SMAD7: variants seen among roughly 807,000 people sequenced by gnomAD.
SMAD7 encodes the protein SMAD family member 7.
Under a neutral mutation model 38.7 loss-of-function variants are expected in SMAD7, and 8 were observed. That is an observed-to-expected ratio of 0.21 (90% CI 0.12 to 0.37). The LOEUF is 0.37. Among genes scored for constraint, SMAD7 ranks in the 10% least tolerant of loss-of-function variants. The pLI is 1.00. For missense variants in SMAD7, 477 were observed against 577.9 expected (o/e 0.83, Z 1.79); for synonymous variants, 327 against 265.1 (o/e 1.23, Z -2.27).
intron 3 of SMAD7, among the ~76,000 whole-genome samples, chr18:48,923,589 A>T (rs77544449): frequency 0.029 from 4,414 of 152,278 alleles, 176 homozygotes; most frequent in East Asian, 0.15. Flanking sequence ...ACACACACCC[A>T]GAGCAGCGGT....
chr18:48,942,127 A>C (rs1338163298), intron 3 of SMAD7, among the ~76,000 whole-genome samples: 1 of 152,170 alleles, frequency 6.6e-6, no homozygotes, highest in Non-Finnish European at 1.5e-5. Context: ...GAGCAAAAGC[A>C]AAAAAAGAGC....
intron 2 of SMAD7, among the ~76,000 whole-genome samples, chr18:48,946,221 C>T (rs561099366): frequency 1.3e-5 from 2 of 152,272 alleles, no homozygotes; most frequent in South Asian, 2.1e-4. Flanking sequence ...AAACTTTGTG[C>T]CTGTTTCATC....
At chr18:48,937,266 G>A (rs902457208) in intron 3 of SMAD7, among the ~76,000 whole-genome samples, 1 of 132,390 alleles carries the variant, frequency 7.6e-6, no homozygotes, top group South Asian at 2.4e-4. Context: ...GTAAAGGCAT[G>A]TGTGTGTGTG....
intron 2 of SMAD7, 149 bp from the exon 3 acceptor site, chr18:48,942,704 G>A: frequency 1.3e-6 from 2 of 1,526,974 alleles, no homozygotes; most frequent in Non-Finnish European, 1.7e-6. Flanking sequence ...TTAATGGTCT[G>A]CTCAGGCTTC....
rs376292728 is a variant in SMAD7 at position 48,942,509 on chromosome 18, C to A, written c.714G>T (p.Thr238=). ...AVPSSAETGG[T]NYLAPGGLSD... ...AAAGCCCCCCAGGGGCCAGATAATT[C>A]GTTCCCCCTGTTTCAGCGGAGGAAG... The change falls in exon 3 of 4, where the codon ACG becomes ACT. Residue 238 remains threonine (T), a synonymous_variant. Coordinates refer to ENST00000262158, the MANE Select transcript of SMAD7 (RefSeq NM_005904.4). The A allele has an allele frequency of 1.9e-6, 3 of 1,602,020 alleles. No individual in the cohort carries two copies. The highest frequency in any genetic ancestry group is 1.7e-6 in the Non-Finnish European group (2 of 1,175,718).
At chr18:48,924,257 A>G (rs183101408) in intron 3 of SMAD7, among the ~76,000 whole-genome samples, 36 of 152,268 alleles carry the variant, frequency 2.4e-4, no homozygotes, top group African/African-American at 8.2e-4. Flanking sequence ...GAGCCTCACA[A>G]TGCTTTGTTT....
intron 1 of SMAD7, chr18:48,949,166 A>T: frequency 2.3e-6 from 1 of 437,872 alleles, no homozygotes; most frequent in Non-Finnish European, 3.0e-6. Context: ...GGGACACCCA[A>T]CTTCTCCTGC....
chr18:48,920,870 T>C lies in SMAD7; in HGVS notation c.*502A>G, dbSNP rs1217433037. 1 of 153,654 alleles carries C rather than the reference T, an allele frequency of 6.5e-6. No homozygotes were observed. Among genetic ancestry groups the C allele is most frequent in the Admixed American group, 6.5e-5 (1 of 15,444 alleles). The allele number at this position is 153,654 out of a possible 1,614,324, so 9.5% of individuals were successfully genotyped here. On this transcript the variant is annotated 3_prime_UTR_variant, in exon 4 of 4. Transcript: ENST00000262158. ...GCCGCCAGCTTGCCCAGGTACTGCC[T>C]CTGCCCCACTGAGCGTGTCCAAGGG...
At chr18:48,925,437 C>CCA (rs963961272) in intron 3 of SMAD7, among the ~76,000 whole-genome samples, 1 of 151,906 alleles carries the variant, frequency 6.6e-6, no homozygotes, top group Admixed American at 6.6e-5. Flanking sequence ...GTGTTGCCCC[C>CCA]CCCCAACCTT....
In SMAD7 at chr18:48,921,783, T is replaced by G; in HGVS notation, c.870A>C (p.Leu290=). The part of the protein sequence containing the change: ...QEPSLDIFYD[L]PQGNGFCLGQ... Reference sequence around the variant, plus strand: ...CGAGGCAAAAGCCATTCCCCTGAGGTAGATCATAGAAGATATCCAGAGAGG... The same window carrying G: ...CGAGGCAAAAGCCATTCCCCTGAGGGAGATCATAGAAGATATCCAGAGAGG... Residue 290 remains leucine (L), a synonymous_variant, in exon 4 of 4, where the codon CTA becomes CTC. Transcript: ENST00000262158. This position sits in a 1 kb window ranked among gnomAD's most constrained non-coding sequence, Gnocchi z 6.4. 6.2e-7 allele frequency: 1 copy of G among 1,614,144 alleles called. No individual in the cohort carries two copies. Among genetic ancestry groups the G allele is most frequent in the Non-Finnish European group, 8.5e-7 (1 of 1,180,024 alleles).
At chr18:48,926,384 CCAATTG>C (rs1490221331) in intron 3 of SMAD7, among the ~76,000 whole-genome samples, 3 of 152,172 alleles carry the variant, frequency 2.0e-5, no homozygotes, top group Non-Finnish European at 4.4e-5. Context: ...TTAAATGTGC[CCAATTG>C]CTAGGGTACC....
At chr18:48,933,349 C>T (rs375035039) in intron 3 of SMAD7, among the ~76,000 whole-genome samples, 1 of 152,124 alleles carries the variant, frequency 6.6e-6, no homozygotes, top group Non-Finnish European at 1.5e-5. Context: ...CTAGTCAATC[C>T]CCCCTCCCGC....
In SMAD7 at chr18:48,949,267, C is replaced by T. The variant is rs568895974; in HGVS notation, c.613+545G>A. The T allele has an allele frequency of 1.6e-4, 162 of 985,172 alleles. 1 individual carries two copies. The African/African-American group carries it at 2.7e-3, about 16-fold the overall frequency. 61.0% of individuals were successfully genotyped at this position (985,172 alleles called of 1,614,324 possible). A position where few individuals can be genotyped will look rare whatever the true frequency, so the allele number is the denominator to read the frequency against. On this transcript the variant is annotated intron_variant, in intron 1 of 3. Transcript: ENST00000262158. ...CCATCCAACTCTCTTTGCCCCAAAACTCCAAAGGTGCGCGGCCACGACAGT... is the reference window on the plus strand; with the variant it reads ...CCATCCAACTCTCTTTGCCCCAAAATTCCAAAGGTGCGCGGCCACGACAGT...
intron 3 of SMAD7, among the ~76,000 whole-genome samples, chr18:48,935,749 A>G (rs898860878): frequency 1.3e-5 from 2 of 152,202 alleles, no homozygotes; most frequent in Non-Finnish European, 2.9e-5. Context: ...AGGAAGGTCG[A>G]AGGATCAGCA....
intron 2 of SMAD7, among the ~76,000 whole-genome samples, chr18:48,945,055 C>T (rs1051697466): frequency 6.6e-6 from 1 of 152,146 alleles, no homozygotes; most frequent in East Asian, 1.9e-4. Flanking sequence ...TCTGAGCTTC[C>T]TAAGTACTGT....
At chr18:48,947,101 T>A (rs751282235) in intron 2 of SMAD7, among the ~76,000 whole-genome samples, 4 of 152,214 alleles carry the variant, frequency 2.6e-5, no homozygotes, top group Non-Finnish European at 4.4e-5. Flanking sequence ...GCTTGGTAAT[T>A]CCAGTTAACG....
At position 48,942,501 on chromosome 18, in the gene SMAD7, A is replaced by G; in HGVS notation, c.722T>C (p.Leu241Pro). Residue 241 changes from leucine to proline, a missense_variant, in exon 3 of 4, where the codon CTG becomes CCG. By Grantham distance (98) the Leu-to-Pro change is moderately conservative. Transcript: ENST00000262158. ...CTTACCTGAAAGCCCCCCAGGGGCCAGATAATTCGTTCCCCCTGTTTCAGC... is the reference window on the plus strand; with the variant it reads ...CTTACCTGAAAGCCCCCCAGGGGCCGGATAATTCGTTCCCCCTGTTTCAGC... ...SSAETGGTNY[L>P]APGGLSDSQL... 6.3e-7 allele frequency: 1 copy of G among 1,599,138 alleles called. No individual in the cohort carries two copies. The highest frequency in any genetic ancestry group is 8.5e-7 in the Non-Finnish European group (1 of 1,175,010).
rs1453069299 is a variant in SMAD7 at position 48,920,143 on chromosome 18, G to C, written c.*1229C>G. Reference sequence around the variant, plus strand: ...ACATTTTTTTCTTTAATAAATCTCAGGTTTTTTTTCAGGAGTCCTTTCTCT... The same window carrying C: ...ACATTTTTTTCTTTAATAAATCTCACGTTTTTTTTCAGGAGTCCTTTCTCT... On this transcript the variant is annotated 3_prime_UTR_variant, in exon 4 of 4. Coordinates refer to ENST00000262158, the MANE Select transcript of SMAD7 (RefSeq NM_005904.4). 1 of 151,812 alleles carries C rather than the reference G, an allele frequency of 6.6e-6. No homozygotes were observed. The highest frequency in any genetic ancestry group is 1.5e-5 in the Non-Finnish European group (1 of 67,900). The allele number at this position is 151,812 out of a possible 1,614,324, so 9.4% of individuals were successfully genotyped here. A position where few individuals can be genotyped will look rare whatever the true frequency, so the allele number is the denominator to read the frequency against.
At chr18:48,946,430 C>CGGT (rs1555718200) in intron 2 of SMAD7, among the ~76,000 whole-genome samples, 1 of 145,904 alleles carries the variant, frequency 6.9e-6, no homozygotes, top group Non-Finnish European at 1.5e-5. Flanking sequence ...GTGAGGGGGG[C>CGGT]GGGGGGGGTG....
Sources: allele counts gnomAD v4.1 joint callset (sites outside exome capture counted in the v4.1 genomes callset), GRCh38; gene constraint gnomAD v4.1.1; non-coding constraint Gnocchi (gnomAD v3.1); transcripts MANE v1.5; gene names NCBI Gene and HGNC (gene_info 2026-07-23, HGNC 2026-07-21).